The following KIRREL3 variants were observed in gnomAD, a reference collection of about 807,000 sequenced individuals.
KIRREL3 encodes the protein kin of IRRE-like protein 3.
KIRREL3 carries 36 observed loss-of-function variants against 89.7 expected under a neutral mutation model. The observed-to-expected ratio is 0.40, with a 90% CI of 0.31 to 0.53. The LOEUF (loss-of-function observed/expected upper bound fraction) is 0.53, where lower values mean the gene tolerates loss of function less well. Ranked by LOEUF, KIRREL3 falls within the 20% of genes least tolerant of loss-of-function variation. The pLI is 0.49. For synonymous variants in KIRREL3, 445 were observed against 441.4 expected (o/e 1.01, Z -0.10); for missense variants, 864 against 1,056.6 (o/e 0.82, Z 2.53).
At chr11:126,727,737 C>A (rs1948448423) in intron 1 of KIRREL3, among the ~76,000 whole-genome samples, 1 of 152,214 alleles carries the variant, frequency 6.6e-6, no homozygotes, top group African/African-American at 2.4e-5. Flanking sequence ...TAGCTCCATC[C>A]ATTTTCACAA....
chr11:126,661,852 G>A (rs1211190824), intron 1 of KIRREL3, among the ~76,000 whole-genome samples: 1 of 152,202 alleles, frequency 6.6e-6, no homozygotes, highest in African/African-American at 2.4e-5. Flanking sequence ...GACAGCCCGA[G>A]CTAAAGCCTC....
rs1378371932 is a variant in KIRREL3 at position 126,640,157 on chromosome 11, A to G, written c.56-77245T>C. Among the ~76,000 whole-genome samples, 4 of 152,104 alleles carry G rather than the reference A, an allele frequency of 2.6e-5. No individual in the cohort carries two copies. Among genetic ancestry groups the G allele is most frequent in the Non-Finnish European group, 4.4e-5 (3 of 68,022 alleles). On this transcript the variant is annotated intron_variant, in intron 1 of 16. Transcript: ENST00000525144. The surrounding 1 kb of genome is among the most constrained non-coding windows in gnomAD (Gnocchi z 4.9). ...TAAAAAAATAAGGCATAGAAGCTCTATGATTTTCTGTCTATCTCACTCACC... is the reference window on the plus strand; with the variant it reads ...TAAAAAAATAAGGCATAGAAGCTCTGTGATTTTCTGTCTATCTCACTCACC...
At chr11:126,818,623 T>TTGTG (rs771686378) in intron 1 of KIRREL3, among the ~76,000 whole-genome samples, 1 of 22,468 alleles carries the variant, frequency 4.5e-5, no homozygotes, top group Admixed American at 5.6e-4. Flanking sequence ...GTAGTAGTAG[T>TTGTG]AGTGTGTGTG....
At position 126,614,901 on chromosome 11, in the gene KIRREL3, C is replaced by T. The variant is rs578011267; in HGVS notation, c.56-51989G>A. On this transcript the variant is annotated intron_variant, in intron 1 of 16. Coordinates refer to ENST00000525144, the MANE Select transcript of KIRREL3 (RefSeq NM_032531.4). This position sits in a 1 kb window ranked among gnomAD's most constrained non-coding sequence, Gnocchi z 4.6. ...GGATGAGCTGGGGCCGGTAAAATAG[C>T]TTTGTTCCTTGGAGAAAGTCATGTA... 6.6e-6 allele frequency among the ~76,000 whole-genome samples: 1 copy of T among 152,106 alleles called. No individual in the cohort carries two copies. Among genetic ancestry groups the T allele is most frequent in the Non-Finnish European group, 1.5e-5 (1 of 67,998 alleles).
At chr11:126,920,786 A>G (rs1029727970) in intron 1 of KIRREL3, among the ~76,000 whole-genome samples, 10 of 152,152 alleles carry the variant, frequency 6.6e-5, no homozygotes, top group African/African-American at 2.4e-4. Context: ...TCGTCCTAAC[A>G]TCGTACCTTC....
rs1955037029 is a variant in KIRREL3 at position 126,429,048 on chromosome 11, TGGGGTGGGCAGG to T, written c.1806+119_1806+130del. On this transcript the variant is annotated intron_variant, in intron 15 of 16. Transcript: ENST00000525144. The surrounding 1 kb of genome is among the most constrained non-coding windows in gnomAD (Gnocchi z 5.2). ...CTGAGAGTGTGTGCCTCACCTATTGTGGGGTGGGCAGGGGGCATCTTGAACGCTGCTCTGCTT... is the reference window on the plus strand; with the variant it reads ...CTGAGAGTGTGTGCCTCACCTATTGTGGGCATCTTGAACGCTGCTCTGCTT... 4.8e-6 allele frequency: 3 copies of T among 629,770 alleles called. No homozygotes were observed. The highest frequency in any genetic ancestry group is 8.7e-6 in the Non-Finnish European group (3 of 346,072). 39.0% of individuals were successfully genotyped at this position (629,770 alleles called of 1,614,324 possible).
chr11:126,451,489 TGTGTGTGCATGTGTGA>T (rs1377313969), intron 7 of KIRREL3, among the ~76,000 whole-genome samples: 1 of 146,888 alleles, frequency 6.8e-6, no homozygotes, highest in Non-Finnish European at 1.5e-5. Context: ...TGTGTGCGCA[TGTGTGTGCATGTGTGA>T]GTGTGTCCAT....
Position 126,900,790 on chromosome 11 carries a change from GC to G in KIRREL3, c.55+99664del, listed in dbSNP as rs879777318. The stretch of plus-strand genomic sequence containing the variant: ...GATTGTATATCTTCAGGGCTGTTGA[GC>G]TCTTTCAGAGTATTCTGTTTGAGGG... On this transcript the variant is annotated intron_variant, in intron 1 of 16. Coordinates refer to ENST00000525144, the MANE Select transcript of KIRREL3 (RefSeq NM_032531.4). The surrounding 1 kb of genome is among the most constrained non-coding windows in gnomAD (Gnocchi z 4.4). 6.6e-6 allele frequency among the ~76,000 whole-genome samples: 1 copy of G among 152,192 alleles called. No individual in the cohort carries two copies. Among genetic ancestry groups the G allele is most frequent in the Admixed American group, 6.5e-5 (1 of 15,286 alleles).
chr11:126,573,856 G>C (rs760651681), intron 1 of KIRREL3, among the ~76,000 whole-genome samples: 1 of 152,120 alleles, frequency 6.6e-6, no homozygotes, highest in Non-Finnish European at 1.5e-5. Context: ...GCAGATCCGC[G>C]GGGGGACCTC....
At position 126,954,297 on chromosome 11, in the gene KIRREL3, A is replaced by G. The variant is rs1198015862; in HGVS notation, c.55+46158T>C. On this transcript the variant is annotated intron_variant, in intron 1 of 16. Transcript: ENST00000525144. This position sits in a 1 kb window ranked among gnomAD's most constrained non-coding sequence, Gnocchi z 4.1. Reference sequence around the variant, plus strand: ...AAAAAAGCCCTGCCTCACAGTTGACATTTTATTTTATAGTCACGTTAGAGT... The same window carrying G: ...AAAAAAGCCCTGCCTCACAGTTGACGTTTTATTTTATAGTCACGTTAGAGT... Among the ~76,000 whole-genome samples the G allele has an allele frequency of 6.7e-6, 1 of 149,222 alleles. No homozygotes were observed. The highest frequency in any genetic ancestry group is 1.5e-5 in the Non-Finnish European group (1 of 67,446).
At chr11:126,735,354 C>G (rs527733779) in intron 1 of KIRREL3, among the ~76,000 whole-genome samples, 1 of 152,244 alleles carries the variant, frequency 6.6e-6, no homozygotes, top group South Asian at 2.1e-4. Flanking sequence ...TCTCTGGGAT[C>G]CTAGAACAAC....
At chr11:126,699,722 G>A (rs1382935259) in intron 1 of KIRREL3, among the ~76,000 whole-genome samples, 2 of 152,084 alleles carry the variant, frequency 1.3e-5, no homozygotes, top group African/African-American at 4.8e-5. Flanking sequence ...GTATCAGATG[G>A]TATAGAGCCA....
In KIRREL3 at chr11:126,723,094, T is replaced by C. The variant is rs974932168; in HGVS notation, c.56-160182A>G. ...TAGGTATTGCGGTATTTGACACATG[T>C]TGGACTCTCCACTTGACTGAGATTA... is the stretch of plus-strand genomic sequence containing the variant. On this transcript the variant is annotated intron_variant, in intron 1 of 16. Transcript: ENST00000525144. The surrounding 1 kb of genome is among the most constrained non-coding windows in gnomAD (Gnocchi z 4.0). Among the ~76,000 whole-genome samples, 2 of 152,312 alleles carry C rather than the reference T, an allele frequency of 1.3e-5. No homozygotes were observed. The highest frequency in any genetic ancestry group is 3.9e-4 in the East Asian group (2 of 5,186).
intron 1 of KIRREL3, among the ~76,000 whole-genome samples, chr11:126,929,961 C>CAA (rs1565432217): frequency 6.8e-6 from 1 of 147,774 alleles, no homozygotes; most frequent in Non-Finnish European, 1.5e-5. Flanking sequence ...CCCCCCCCCC[C>CAA]ACCTCACCGA....
intron 6 of KIRREL3, among the ~76,000 whole-genome samples, chr11:126,461,804 G>A (rs1423079360): frequency 6.6e-6 from 1 of 152,136 alleles, no homozygotes; most frequent in Non-Finnish European, 1.5e-5. Flanking sequence ...AATCCACAAG[G>A]CTTAGAGAAA....
Position 126,687,931 on chromosome 11 carries a change from A to G in KIRREL3, c.56-125019T>C, listed in dbSNP as rs754027188. On this transcript the variant is annotated intron_variant, in intron 1 of 16. Transcript: ENST00000525144. The surrounding 1 kb of genome is among the most constrained non-coding windows in gnomAD (Gnocchi z 4.6). ...GCAGCAAAAGAAAGCATCTAGAAAA[A>G]GGAAATAAAGGGCTGTAGGTGTATC... Among the ~76,000 whole-genome samples, 1 of 152,244 alleles carries G rather than the reference A, an allele frequency of 6.6e-6. No homozygotes were observed. Among genetic ancestry groups the G allele is most frequent in the African/African-American group, 2.4e-5 (1 of 41,470 alleles).
Position 126,454,560 on chromosome 11 carries a change from T to C in KIRREL3, c.848+1789A>G, listed in dbSNP as rs986691026. ...TTCTGGGCATGTTGTACCTGGTGTT[T>C]AGGGACCAGGAGCAGAGACCTGGGA... On this transcript the variant is annotated intron_variant, in intron 7 of 16. Transcript: ENST00000525144. This position sits in a 1 kb window ranked among gnomAD's most constrained non-coding sequence, Gnocchi z 5.8. 1.2e-4 allele frequency among the ~76,000 whole-genome samples: 18 copies of C among 152,064 alleles called. No homozygotes were observed. Among genetic ancestry groups the C allele is most frequent in the African/African-American group, 3.9e-4 (16 of 41,390 alleles).
Position 126,579,908 on chromosome 11 carries a change from C to A in KIRREL3, c.56-16996G>T, listed in dbSNP as rs879834246. Among the ~76,000 whole-genome samples, 7 of 151,668 alleles carry A rather than the reference C, an allele frequency of 4.6e-5. No individual in the cohort carries two copies. The highest frequency in any genetic ancestry group is 1.0e-4 in the Non-Finnish European group (7 of 67,964). On this transcript the variant is annotated intron_variant, in intron 1 of 16. Transcript: ENST00000525144. The surrounding 1 kb of genome is among the most constrained non-coding windows in gnomAD (Gnocchi z 5.3). ...TCACCCAGGCTGGAGTGCAGTGGCA[C>A]AATCTTGGCTCACTGGAAGCTCCAC... is the stretch of plus-strand genomic sequence containing the variant.
Position 126,575,401 on chromosome 11 carries a change from G to C in KIRREL3, c.56-12489C>G, listed in dbSNP as rs1749289327. Among the ~76,000 whole-genome samples, 1 of 152,178 alleles carries C rather than the reference G, an allele frequency of 6.6e-6. No homozygotes were observed. ...CAGTCTCCTCAATGTGTACAATGGAGAGGTCTTGGGCTGCAATAAGGACTG... is the reference window on the plus strand; with the variant it reads ...CAGTCTCCTCAATGTGTACAATGGACAGGTCTTGGGCTGCAATAAGGACTG... On this transcript the variant is annotated intron_variant, in intron 1 of 16. Coordinates refer to ENST00000525144, the MANE Select transcript of KIRREL3 (RefSeq NM_032531.4). The surrounding 1 kb of genome is among the most constrained non-coding windows in gnomAD (Gnocchi z 7.0).
Sources: allele counts gnomAD v4.1 joint callset (sites outside exome capture counted in the v4.1 genomes callset), GRCh38; gene constraint gnomAD v4.1.1; non-coding constraint Gnocchi (gnomAD v3.1); transcripts MANE v1.5; gene names NCBI Gene and HGNC (gene_info 2026-07-23, HGNC 2026-07-21).